GALNTL6: variants seen among roughly 807,000 people sequenced by gnomAD.
GALNTL6 encodes the protein polypeptide N-acetylgalactosaminyltransferase like 6, also known as polypeptide N-acetylgalactosaminyltransferase-like 6.
GALNTL6 carries 46 observed loss-of-function variants against 73.7 expected under a neutral mutation model. That is an observed-to-expected ratio of 0.62 (90% CI 0.49 to 0.80). GALNTL6 has a LOEUF of 0.80. Among genes scored for constraint, GALNTL6 ranks in the 30% least tolerant of loss-of-function variants. The probability of loss-of-function intolerance (pLI) is 0.00; values close to 1 mark genes in which losing one functional copy is unlikely to be tolerated. For missense variants in GALNTL6, 604 were observed against 755.0 expected, an observed-to-expected ratio of 0.80 and a Z score of 2.34; for synonymous variants, 259 against 263.7, an observed-to-expected ratio of 0.98 and a Z score of 0.17.
chr4:172,235,973 A>G (rs868718029), intron 3 of GALNTL6, among the ~76,000 whole-genome samples: 1 of 152,228 alleles, frequency 6.6e-6, no homozygotes, highest in Non-Finnish European at 1.5e-5. Flanking sequence ...ATGTTGCAGC[A>G]AAGGACATTA....
intron 2 of GALNTL6, among the ~76,000 whole-genome samples, chr4:171,995,844 A>G (rs1233184923): frequency 6.6e-6 from 1 of 152,106 alleles, no homozygotes; most frequent in Non-Finnish European, 1.5e-5. Context: ...AGAAAAGTCC[A>G]TGTACCATGT....
intron 4 of GALNTL6, among the ~76,000 whole-genome samples, chr4:172,345,843 C>G (rs1418942533): frequency 6.6e-6 from 1 of 152,168 alleles, no homozygotes; most frequent in Non-Finnish European, 1.5e-5. Flanking sequence ...TGTCAAACTG[C>G]TGATCACTGT....
At chr4:172,133,410 ATTG>A (rs1399885498) in intron 2 of GALNTL6, among the ~76,000 whole-genome samples, 1 of 152,252 alleles carries the variant, frequency 6.6e-6, no homozygotes, top group Non-Finnish European at 1.5e-5. Context: ...TAGATTATTC[ATTG>A]TTGATTCATT....
chr4:173,006,831 T>TTTTG (rs752769375), intron 10 of GALNTL6, among the ~76,000 whole-genome samples: 3 of 152,176 alleles, frequency 2.0e-5, no homozygotes, highest in African/African-American at 4.8e-5. Context: ...CCACTTATAG[T>TTTTG]TTTGTTTGTT....
At chr4:172,247,655 G>A (rs1737709956) in intron 3 of GALNTL6, among the ~76,000 whole-genome samples, 1 of 152,130 alleles carries the variant, frequency 6.6e-6, no homozygotes, top group East Asian at 1.9e-4. Flanking sequence ...ATTTAAACCA[G>A]CAGATGCCTT....
At chr4:172,050,035 T>G (rs1730799190) in intron 2 of GALNTL6, among the ~76,000 whole-genome samples, 1 of 151,598 alleles carries the variant, frequency 6.6e-6, no homozygotes, top group Non-Finnish European at 1.5e-5. Context: ...CTCTGTGGAG[T>G]AAATTCTCAG....
chr4:172,770,509 C>A (rs17058882), intron 5 of GALNTL6, among the ~76,000 whole-genome samples: 5 of 151,902 alleles, frequency 3.3e-5, no homozygotes, highest in Admixed American at 6.6e-5. Context: ...TACTTACTTG[C>A]GATTTTAAAT....
At chr4:172,606,406 A>G (rs1217619885) in intron 5 of GALNTL6, among the ~76,000 whole-genome samples, 1 of 149,978 alleles carries the variant, frequency 6.7e-6, no homozygotes, top group African/African-American at 2.5e-5. Context: ...GTGAGCCAAA[A>G]TCGCGCCATT....
chr4:171,837,115 G>C (rs959957701), intron 2 of GALNTL6, among the ~76,000 whole-genome samples: 14 of 152,124 alleles, frequency 9.2e-5, no homozygotes, highest in African/African-American at 3.4e-4. Context: ...TTGAAATTGT[G>C]AGCCAGCTGA....
chr4:172,164,883 G>A (rs1734575377), intron 2 of GALNTL6, among the ~76,000 whole-genome samples: 1 of 152,048 alleles, frequency 6.6e-6, no homozygotes, highest in South Asian at 2.1e-4. Context: ...AAATACATAT[G>A]CTCTAGTTTA....
intron 5 of GALNTL6, among the ~76,000 whole-genome samples, chr4:172,689,116 T>C (rs922248578): frequency 2.6e-5 from 4 of 152,216 alleles, no homozygotes; most frequent in Non-Finnish European, 5.9e-5. Flanking sequence ...AGAAGTTATA[T>C]ATCCCCACCC....
At chr4:172,376,677 C>T (rs1743044024) in intron 5 of GALNTL6, among the ~76,000 whole-genome samples, 1 of 152,088 alleles carries the variant, frequency 6.6e-6, no homozygotes, top group Non-Finnish European at 1.5e-5. Context: ...GTACTCACCG[C>T]TTGGCGATAG....
At chr4:171,978,642 A>T (rs1358492247) in intron 2 of GALNTL6, among the ~76,000 whole-genome samples, 1 of 152,182 alleles carries the variant, frequency 6.6e-6, no homozygotes, top group Admixed American at 6.5e-5. Flanking sequence ...CTTAATTACA[A>T]TGTTTTCTAA....
intron 5 of GALNTL6, among the ~76,000 whole-genome samples, chr4:172,685,577 G>T (rs1296934890): frequency 6.6e-6 from 1 of 152,130 alleles, no homozygotes; most frequent in African/African-American, 2.4e-5. Context: ...CCTGAAGATG[G>T]AATGAGTATC....
At chr4:172,026,847 G>T (rs976519922) in intron 2 of GALNTL6, among the ~76,000 whole-genome samples, 8 of 151,882 alleles carry the variant, frequency 5.3e-5, no homozygotes, top group Non-Finnish European at 7.4e-5. Context: ...GGCATTCTTT[G>T]TTTTATTGTG....
chr4:172,328,038 A>C (rs1342957479), intron 4 of GALNTL6, among the ~76,000 whole-genome samples: 1 of 151,644 alleles, frequency 6.6e-6, no homozygotes, highest in African/African-American at 2.4e-5. Context: ...TTCCCTTTTC[A>C]TATTTAGTGC....
chr4:171,846,943 ATTATATGTAATTATATATGAATATAG>A (rs869171604), intron 2 of GALNTL6, among the ~76,000 whole-genome samples: 22 of 33,872 alleles, frequency 6.5e-4, no homozygotes, highest in Non-Finnish European at 1.2e-3. Context: ...TATACATATA[ATTATATGTAATTATATATGAATATAG>A]TTATATGTAA....
At chr4:172,176,200 C>G (rs975173425) in intron 2 of GALNTL6, among the ~76,000 whole-genome samples, 1 of 151,326 alleles carries the variant, frequency 6.6e-6, no homozygotes, top group Non-Finnish European at 1.5e-5. Context: ...ATTAGCCGGG[C>G]GAGGTGGCGG....
intron 8 of GALNTL6, among the ~76,000 whole-genome samples, chr4:172,918,322 C>T (rs528255121): frequency 5.2e-4 from 79 of 151,950 alleles, no homozygotes; most frequent in Non-Finnish European, 1.1e-3. Flanking sequence ...ATGAACACGG[C>T]ACATGTATAC....
Sources: gnomAD v4.1 joint callset for allele counts (sites outside exome capture counted in the v4.1 genomes callset) on GRCh38, gnomAD v4.1.1 for gene constraint, MANE v1.5 for transcripts, NCBI Gene and HGNC (gene_info 2026-07-23, HGNC 2026-07-21) for gene names.